The following PCDHGA1 variants were observed in gnomAD, a reference collection of about 807,000 sequenced individuals.
PCDHGA1 encodes protocadherin gamma subfamily A, 1.
In PCDHGA1, 32 loss-of-function variants were observed where a neutral mutation model predicts 58.0. The observed-to-expected ratio is 0.55, with a 90% CI of 0.42 to 0.74. The LOEUF is 0.74. Ranked by LOEUF, PCDHGA1 falls within the 30% of genes least tolerant of loss-of-function variation. PCDHGA1 has a pLI of 0.00. For missense variants in PCDHGA1, 1,205 were observed against 1,182.3 expected, an observed-to-expected ratio of 1.02 and a Z score of -0.28; for synonymous variants, 498 against 501.1, an observed-to-expected ratio of 0.99 and a Z score of 0.08.
intron 1 of PCDHGA1, chr5:141,412,359 A>G (rs2095550851): frequency 6.6e-6 from 1 of 152,226 alleles, no homozygotes; most frequent in Non-Finnish European, 1.5e-5. Flanking sequence ...GTTTGTGATT[A>G]CCTGCTTAAT....
At chr5:141,360,689 C>CT in intron 1 of PCDHGA1, 1 of 1,613,992 alleles carries the variant, frequency 6.2e-7, no homozygotes, top group Non-Finnish European at 8.5e-7. Context: ...GAGAAACAGA[C>CT]TCCAGATGGT....
rs533686455 is a variant in PCDHGA1, at chr5:141,369,964, G to A, written c.2421+36859G>A. Among the ~76,000 whole-genome samples the A allele has an allele frequency of 3.5e-4, 53 of 152,298 alleles. No homozygotes were observed. The East Asian group carries it at 5.2e-3, about 15-fold the overall frequency. ...CAAGATTATCTCTGCCCTTTGACAA[G>A]TAAAAGGTACTTGATTTGGATGGAT... On this transcript the variant is annotated intron_variant, in intron 1 of 3. Coordinates refer to ENST00000517417, the MANE Select transcript of PCDHGA1 (RefSeq NM_018912.3).
chr5:141,500,835 A>G (rs965204931), intron 2 of PCDHGA1, among the ~76,000 whole-genome samples: 13 of 152,118 alleles, frequency 8.5e-5, no homozygotes, highest in African/African-American at 3.1e-4. Context: ...TCTAATGCTA[A>G]TGGGCTTTTG....
chr5:141,365,919 TGTG>T (rs1195562378), intron 1 of PCDHGA1: 1 of 1,614,178 alleles, frequency 6.2e-7, no homozygotes, highest in East Asian at 2.2e-5. Flanking sequence ...GACCTACAGT[TGTG>T]GGTGACAGCC....
At position 141,371,889 on chromosome 5, in the gene PCDHGA1, C is replaced by T. The variant is rs778087129; in HGVS notation, c.2421+38784C>T. 5 of 1,613,316 alleles carry T rather than the reference C, an allele frequency of 3.1e-6. No individual in the cohort carries two copies. The East Asian group carries it at 6.7e-5, about 22-fold the overall frequency. On this transcript the variant is annotated intron_variant, in intron 1 of 3. Coordinates refer to ENST00000517417, the MANE Select transcript of PCDHGA1 (RefSeq NM_018912.3). ...CATCGTGGCCAGTGACCTGGAGCCG[C>T]GGGAGCTGTCGTCCTACGTGTCCGT...
rs1219684339 is a variant in PCDHGA1, at chr5:141,506,444, CAAAAAAAAAAA to C, written c.2569+974_2569+984del. Among the ~76,000 whole-genome samples, 33 of 95,024 alleles carry C rather than the reference CAAAAAAAAAAA, an allele frequency of 3.5e-4. No individual in the cohort carries two copies. The East Asian group carries it at 0.011, about 31-fold the overall frequency. The allele number at this position is 95,024 out of a possible 152,430, so 62.3% of individuals were successfully genotyped here. On this transcript the variant is annotated intron_variant, in intron 3 of 3. Coordinates refer to ENST00000517417, the MANE Select transcript of PCDHGA1 (RefSeq NM_018912.3). ...CCTGGGCAACAGTCTCGCTCTGTCTCAAAAAAAAAAAAAAAAAAAAAGAGCACAGGCTTTAG... is the reference window on the plus strand; with the variant it reads ...CCTGGGCAACAGTCTCGCTCTGTCTCAAAAAAAAAAGAGCACAGGCTTTAG...
At chr5:141,430,771 G>A (rs772862341) in intron 1 of PCDHGA1, 37 of 1,506,734 alleles carry the variant, frequency 2.5e-5, no homozygotes, top group Non-Finnish European at 2.7e-5. Flanking sequence ...TGATTCCTGC[G>A]CGACTGCACC....
At chr5:141,391,803 G>A (rs953210867) in intron 1 of PCDHGA1, 5 of 152,172 alleles carry the variant, frequency 3.3e-5, no homozygotes, top group African/African-American at 1.2e-4. Flanking sequence ...TTAGATCAAA[G>A]TGTTAATGTA....
chr5:141,494,182 C>T (rs188628485), intron 1 of PCDHGA1, among the ~76,000 whole-genome samples: 132 of 152,244 alleles, frequency 8.7e-4, no homozygotes, highest in African/African-American at 3.1e-3. Flanking sequence ...AGAAGTGTCC[C>T]GGGACTTGGA....
At chr5:141,475,090 A>G (rs991061660) in intron 1 of PCDHGA1, among the ~76,000 whole-genome samples, 1 of 152,264 alleles carries the variant, frequency 6.6e-6, no homozygotes, top group African/African-American at 2.4e-5. Flanking sequence ...CAATAATTTT[A>G]TAAAGATCCT....
intron 1 of PCDHGA1, chr5:141,387,654 G>A: frequency 1.6e-6 from 1 of 644,700 alleles, no homozygotes. Context: ...AAAGTGGAGA[G>A]CTTGGCGCTC....
intron 1 of PCDHGA1, among the ~76,000 whole-genome samples, chr5:141,347,137 C>CTCTTTCTT (rs70988799): frequency 0.092 from 10,457 of 113,696 alleles, 769 homozygotes; most frequent in South Asian, 0.13. Flanking sequence ...CTCTGTTTCT[C>CTCTTTCTT]TCTTTCTTTC....
At chr5:141,427,858 C>T in intron 1 of PCDHGA1, 1 of 1,555,500 alleles carries the variant, frequency 6.4e-7, no homozygotes, top group South Asian at 1.1e-5. Context: ...CAGCTGTGCG[C>T]CTTCGAGCTC....
intron 1 of PCDHGA1, among the ~76,000 whole-genome samples, chr5:141,454,491 C>T (rs956727548): frequency 6.6e-6 from 1 of 152,194 alleles, no homozygotes; most frequent in South Asian, 2.1e-4. Context: ...ACCGCAACCT[C>T]CACCTCCTGG....
chr5:141,401,770 T>C (rs975272408), intron 1 of PCDHGA1, among the ~76,000 whole-genome samples: 2 of 152,202 alleles, frequency 1.3e-5, no homozygotes, highest in African/African-American at 4.8e-5. Context: ...TATAAGTCTT[T>C]TGCTTGGTTT....
chr5:141,421,433 C>T, intron 1 of PCDHGA1: 1 of 1,614,074 alleles, frequency 6.2e-7, no homozygotes, highest in African/African-American at 1.3e-5. Flanking sequence ...CGCATCGTCT[C>T]CAGAGGGAAG....
chr5:141,376,050 C>G (rs1342484281), intron 1 of PCDHGA1: 4 of 1,613,234 alleles, frequency 2.5e-6, no homozygotes, highest in Non-Finnish European at 3.4e-6. Flanking sequence ...CCTCTCTCCG[C>G]CACTGTCACG....
At chr5:141,361,542 C>G in intron 1 of PCDHGA1, 1 of 1,614,054 alleles carries the variant, frequency 6.2e-7, no homozygotes, top group Non-Finnish European at 8.5e-7. Flanking sequence ...CTCCTGGCGC[C>G]TCTATCGCTC....
intron 1 of PCDHGA1, chr5:141,478,393 G>A (rs2099452978): frequency 6.2e-7 from 1 of 1,613,488 alleles, no homozygotes; most frequent in South Asian, 1.1e-5. Flanking sequence ...TTTACCATCA[G>A]GTGTATCTCA....
Sources: gnomAD v4.1 joint callset for allele counts (sites outside exome capture counted in the v4.1 genomes callset) on GRCh38, gnomAD v4.1.1 for gene constraint, MANE v1.5 for transcripts, NCBI Gene and HGNC (gene_info 2026-07-23, HGNC 2026-07-21) for gene names.